The following MTCL2 variants were observed in gnomAD, a reference collection of about 807,000 sequenced individuals.
MTCL2 encodes microtubule cross-linking factor 2.
the MTCL2 span, among the ~76,000 whole-genome samples, chr20:36,798,252 G>A: frequency 6.6e-6 from 1 of 152,072 alleles, no homozygotes; most frequent in Admixed American, 6.6e-5. Context: ...TGTGTTTTTA[G>A]TAGAGACGGG....
At chr20:36,779,437 GC>G in the MTCL2 span, 124 of 152,438 alleles carry the variant, frequency 8.1e-4, no homozygotes, top group Non-Finnish European at 8.8e-4. Flanking sequence ...AGGGATCCAA[GC>G]CCCCCCCACC....
chr20:36,843,119 C>G, the MTCL2 span, among the ~76,000 whole-genome samples: 1 of 152,218 alleles, frequency 6.6e-6, no homozygotes. Flanking sequence ...CACACCCTCG[C>G]TGGGGCTGGG....
the MTCL2 span, chr20:36,782,201 G>A: frequency 1.3e-5 from 2 of 152,126 alleles, no homozygotes; most frequent in African/African-American, 4.8e-5. Context: ...TTCTGAACAT[G>A]CCCTCAGAGA....
the MTCL2 span, chr20:36,863,149 A>C: frequency 1.5e-6 from 2 of 1,373,954 alleles, no homozygotes; most frequent in African/African-American, 3.0e-5. The surrounding 1 kb of genome is among the most constrained non-coding windows in gnomAD (Gnocchi z 6.2). Context: ...CGTGAGGAGA[A>C]CGCGGCGCTG....
the MTCL2 span, chr20:36,815,690 G>C: frequency 6.2e-7 from 1 of 1,604,590 alleles, no homozygotes; most frequent in African/African-American, 1.3e-5. The surrounding 1 kb of genome is among the most constrained non-coding windows in gnomAD (Gnocchi z 5.3). Context: ...TGACCTTGCC[G>C]CTGAGCTCGC....
the MTCL2 span, among the ~76,000 whole-genome samples, chr20:36,791,330 G>A: frequency 6.6e-6 from 1 of 152,132 alleles, no homozygotes; most frequent in South Asian, 2.1e-4. Flanking sequence ...ACCGCGCCCG[G>A]CCACATTTAT....
At chr20:36,796,356 C>T in the MTCL2 span, among the ~76,000 whole-genome samples, 1 of 152,188 alleles carries the variant, frequency 6.6e-6, no homozygotes, top group African/African-American at 2.4e-5. Flanking sequence ...ACAGCCTGTC[C>T]CGCCTGCCTT....
chr20:36,835,797 C>G, the MTCL2 span, among the ~76,000 whole-genome samples: 1 of 152,018 alleles, frequency 6.6e-6, no homozygotes, highest in Non-Finnish European at 1.5e-5. Flanking sequence ...AGAAACGGCC[C>G]CTCCTCTCCG....
At chr20:36,850,594 C>T in the MTCL2 span, among the ~76,000 whole-genome samples, 1 of 152,068 alleles carries the variant, frequency 6.6e-6, no homozygotes, top group Admixed American at 6.6e-5. Context: ...GGGCACAGCC[C>T]TTTTGTTTGA....
At chr20:36,788,056 C>T in the MTCL2 span, among the ~76,000 whole-genome samples, 1 of 151,454 alleles carries the variant, frequency 6.6e-6, no homozygotes, top group African/African-American at 2.4e-5. Flanking sequence ...CAAAAATTAC[C>T]CGGGCATGGT....
the MTCL2 span, among the ~76,000 whole-genome samples, chr20:36,832,955 C>T: frequency 1.5e-4 from 23 of 152,324 alleles, no homozygotes; most frequent in South Asian, 4.1e-4. Context: ...TGGGCCCCCT[C>T]GGCCCTCACA....
At chr20:36,807,663 GT>G in the MTCL2 span, among the ~76,000 whole-genome samples, 2 of 151,954 alleles carry the variant, frequency 1.3e-5, no homozygotes, top group African/African-American at 4.8e-5. Context: ...CCGCCCCCAC[GT>G]TTCCTGCCAC....
the MTCL2 span, among the ~76,000 whole-genome samples, chr20:36,791,316 A>T: frequency 6.6e-6 from 1 of 152,326 alleles, no homozygotes; most frequent in East Asian, 1.9e-4. Context: ...TACAGGCATG[A>T]GCCACCGCGC....
the MTCL2 span, chr20:36,781,305 G>A: frequency 1.3e-5 from 2 of 152,198 alleles, no homozygotes; most frequent in South Asian, 4.1e-4. Flanking sequence ...GGAGGCCGAG[G>A]TGGGTGGATC....
At chr20:36,781,736 T>C in the MTCL2 span, 1 of 151,124 alleles carries the variant, frequency 6.6e-6, no homozygotes, top group Non-Finnish European at 1.5e-5. Context: ...AAAAAATAAA[T>C]CTAAAAAAAC....
chr20:36,813,805 C>T, the MTCL2 span, among the ~76,000 whole-genome samples: 2 of 146,102 alleles, frequency 1.4e-5, no homozygotes, highest in African/African-American at 5.0e-5. Context: ...AGTGCTAAAT[C>T]GCTCTCTTTC....
chr20:36,786,229 T>C, the MTCL2 span: 1 of 1,149,086 alleles, frequency 8.7e-7, no homozygotes, highest in Non-Finnish European at 1.1e-6. Context: ...AGTGGATGCT[T>C]GGGAAGCCCA....
chr20:36,859,718 G>A, the MTCL2 span: 2 of 1,231,738 alleles, frequency 1.6e-6, no homozygotes, highest in Non-Finnish European at 2.0e-6. Flanking sequence ...CCCTACAAGG[G>A]GGAGGTAAGC....
the MTCL2 span, among the ~76,000 whole-genome samples, chr20:36,808,073 C>G: frequency 6.7e-6 from 1 of 149,704 alleles, no homozygotes; most frequent in Non-Finnish European, 1.5e-5. Context: ...GACGGGGTTT[C>G]ACCATGTTAG....
Sources: allele counts gnomAD v4.1 joint callset (sites outside exome capture counted in the v4.1 genomes callset), GRCh38; gene constraint gnomAD v4.1.1; non-coding constraint Gnocchi (gnomAD v3.1); transcripts MANE v1.5; gene names NCBI Gene and HGNC (gene_info 2026-07-23, HGNC 2026-07-21).